Variants in FER observed in about 807,000 individuals in gnomAD.
FER encodes the protein FER tyrosine kinase.
FER carries 63 observed loss-of-function variants against 111.0 expected under a neutral mutation model. The ratio of observed to expected loss-of-function variants is 0.57; its 90% CI spans 0.46 to 0.70. FER has a LOEUF of 0.70. Ranked by LOEUF, FER falls within the 30% of genes least tolerant of loss-of-function variation. The pLI, the probability that FER is intolerant of heterozygous loss-of-function variation, is 0.00. For synonymous variants in FER, 327 were observed against 313.9 expected, an observed-to-expected ratio of 1.04 and a Z score of -0.44; for missense variants, 914 against 954.0, an observed-to-expected ratio of 0.96 and a Z score of 0.55.
At chr5:109,036,104 G>A (rs1367519444) in intron 13 of FER, among the ~76,000 whole-genome samples, 4 of 152,048 alleles carry the variant, frequency 2.6e-5, no homozygotes, top group Non-Finnish European at 4.4e-5. Flanking sequence ...GTTGTAGTTT[G>A]TCTTTTCATT....
chr5:108,758,011 A>G (rs1261747534), intron 1 of FER, among the ~76,000 whole-genome samples: 1 of 152,202 alleles, frequency 6.6e-6, no homozygotes, highest in African/African-American at 2.4e-5. Flanking sequence ...ATACACTAAT[A>G]TCATGGATTT....
At chr5:109,176,905 A>C (rs993815649) in intron 17 of FER, among the ~76,000 whole-genome samples, 5 of 152,240 alleles carry the variant, frequency 3.3e-5, no homozygotes, top group Non-Finnish European at 5.9e-5. Context: ...ATATTAGAAT[A>C]AATGTCAGAA....
intron 16 of FER, among the ~76,000 whole-genome samples, chr5:109,077,909 A>G (rs919494950): frequency 5.3e-5 from 8 of 152,226 alleles, no homozygotes; most frequent in African/African-American, 1.9e-4. Context: ...CATCTTATAT[A>G]GTACTTAAGT....
intron 10 of FER, among the ~76,000 whole-genome samples, chr5:108,941,013 A>G (rs996041537): frequency 2.0e-5 from 3 of 152,114 alleles, no homozygotes; most frequent in African/African-American, 7.2e-5. Flanking sequence ...TCTTAGGTAC[A>G]TAAAGTAGTG....
chr5:108,849,374 GT>G (rs1371907866), intron 5 of FER, among the ~76,000 whole-genome samples: 1 of 151,728 alleles, frequency 6.6e-6, no homozygotes, highest in Non-Finnish European at 1.5e-5. Context: ...ATTTTGGTTA[GT>G]TTCTATGACT....
intron 3 of FER, among the ~76,000 whole-genome samples, chr5:108,828,508 A>G (rs1759707199): frequency 6.6e-6 from 1 of 151,990 alleles, no homozygotes; most frequent in African/African-American, 2.4e-5. Flanking sequence ...TATCACTTTA[A>G]TGTTTTGTAG....
At chr5:108,994,996 TAAG>T (rs1283142930) in intron 13 of FER, among the ~76,000 whole-genome samples, 7 of 152,298 alleles carry the variant, frequency 4.6e-5, no homozygotes, top group Admixed American at 6.5e-5. Flanking sequence ...CTTACCAGCT[TAAG>T]GAGATTTGGG....
intron 13 of FER, among the ~76,000 whole-genome samples, chr5:108,983,819 A>G (rs1561717483): frequency 6.6e-6 from 1 of 152,156 alleles, no homozygotes. Flanking sequence ...TTCTTCTTCC[A>G]AAAATGCATA....
intron 1 of FER, among the ~76,000 whole-genome samples, chr5:108,759,132 C>T (rs1272797110): frequency 1.3e-5 from 2 of 152,154 alleles, no homozygotes; most frequent in East Asian, 3.9e-4. Flanking sequence ...TGTAGTAAGG[C>T]CAGTTTTCAG....
chr5:108,795,888 A>G (rs975805802), intron 2 of FER, among the ~76,000 whole-genome samples: 1 of 152,160 alleles, frequency 6.6e-6, no homozygotes, highest in African/African-American at 2.4e-5. Flanking sequence ...TAGTTTGTGT[A>G]TGGAGATCCT....
At chr5:108,854,425 G>T (rs116845707) in intron 5 of FER, among the ~76,000 whole-genome samples, 4 of 152,158 alleles carry the variant, frequency 2.6e-5, no homozygotes, top group African/African-American at 9.7e-5. Flanking sequence ...ATTGTTTACA[G>T]TTGTGAAAGC....
In FER at chr5:109,051,498, C is replaced by T. The variant is rs538984091; in HGVS notation, c.1924+4300C>T. ...AGTTAGAGATGGTGCTTCCCGCCTG[C>T]CCCATTCGATTTTGTTCTGCACTGT... On this transcript the variant is annotated intron_variant, in intron 16 of 19. Coordinates refer to ENST00000281092, the MANE Select transcript of FER (RefSeq NM_005246.4). 2.5e-4 allele frequency: 408 copies of T among 1,610,068 alleles called. 1 individual carries two copies. The African/African-American group carries it at 5.2e-3, about 20-fold the overall frequency.
intron 17 of FER, among the ~76,000 whole-genome samples, chr5:109,172,634 T>C (rs1434321015): frequency 2.6e-5 from 4 of 151,896 alleles, no homozygotes; most frequent in African/African-American, 9.7e-5. Flanking sequence ...TAAAGTATAA[T>C]AATAAAATAA....
At chr5:108,947,021 G>A (rs1757076509) in intron 11 of FER, among the ~76,000 whole-genome samples, 1 of 151,980 alleles carries the variant, frequency 6.6e-6, no homozygotes, top group Non-Finnish European at 1.5e-5. Context: ...CAATGTGACA[G>A]TACTTCATTC....
At chr5:108,914,832 G>C (rs1752048067) in intron 10 of FER, among the ~76,000 whole-genome samples, 1 of 152,166 alleles carries the variant, frequency 6.6e-6, no homozygotes, top group Admixed American at 6.5e-5. Context: ...AGTAATTTAG[G>C]TTAAGATAAG....
At chr5:108,832,308 A>G (rs1481078959) in intron 3 of FER, among the ~76,000 whole-genome samples, 1 of 152,228 alleles carries the variant, frequency 6.6e-6, no homozygotes, top group Non-Finnish European at 1.5e-5. Flanking sequence ...AGCCTCCACA[A>G]AAGACAGTTT....
At chr5:109,116,537 A>G (rs933027846) in intron 17 of FER, among the ~76,000 whole-genome samples, 10 of 152,098 alleles carry the variant, frequency 6.6e-5, no homozygotes, top group Non-Finnish European at 1.3e-4. Flanking sequence ...GGAATCAATG[A>G]TTCTTTCAGT....
chr5:108,784,229 T>C (rs2150004008), intron 2 of FER: 1 of 153,222 alleles, frequency 6.5e-6, no homozygotes, highest in Non-Finnish European at 1.5e-5. Flanking sequence ...TACGTAGAAA[T>C]TGAGCAGGGA....
chr5:109,186,097 C>A, intron 18 of FER, 103 bp from the exon 19 acceptor site: 2 of 1,506,718 alleles, frequency 1.3e-6, no homozygotes, highest in African/African-American at 1.4e-5. Flanking sequence ...ATTGACCAAA[C>A]ATCATTATGT....
Sources: allele counts gnomAD v4.1 joint callset (sites outside exome capture counted in the v4.1 genomes callset), GRCh38; gene constraint gnomAD v4.1.1; transcripts MANE v1.5; gene names NCBI Gene and HGNC (gene_info 2026-07-23, HGNC 2026-07-21).